Variants in STK32A observed in about 807,000 individuals in gnomAD.
STK32A encodes serine/threonine-protein kinase 32A.
Under a neutral mutation model 53.2 loss-of-function variants are expected in STK32A, and 41 were observed. The ratio of observed to expected loss-of-function variants is 0.77; its 90% CI spans 0.60 to 1.00. The LOEUF (loss-of-function observed/expected upper bound fraction) is 1.00. Ranked by LOEUF, STK32A falls within the 50% of genes least tolerant of loss-of-function variation. The pLI is 0.00. For synonymous variants in STK32A, 166 were observed against 162.8 expected (o/e 1.02, Z -0.15); for missense variants, 458 against 485.8 (o/e 0.94, Z 0.54).
intron 7 of STK32A, among the ~76,000 whole-genome samples, chr5:147,355,258 G>T (rs1195395968): frequency 6.6e-6 from 1 of 152,110 alleles, no homozygotes; most frequent in African/African-American, 2.4e-5. Context: ...ATCAAGCAAG[G>T]AAGTTTTGCT....
rs529000209 is a variant in STK32A at position 147,386,421 on chromosome 5, C to T, written c.*2438C>T. On this transcript the variant is annotated 3_prime_UTR_variant, in exon 13 of 13. Coordinates refer to ENST00000397936, the MANE Select transcript of STK32A (RefSeq NM_001112724.2). Reference sequence around the variant, plus strand: ...CCCTAAGTAACCAGGTTCCTCCTCTCGCTGCAACCTTGTTTGCATCCTTCC... The same window carrying T: ...CCCTAAGTAACCAGGTTCCTCCTCTTGCTGCAACCTTGTTTGCATCCTTCC... The T allele has an allele frequency of 6.6e-6, 1 of 152,302 alleles. No individual in the cohort carries two copies. The highest frequency in any genetic ancestry group is 2.4e-5 in the African/African-American group (1 of 41,564). The allele number at this position is 152,302 out of a possible 1,614,324, so 9.4% of individuals were successfully genotyped here. A position where few individuals can be genotyped will look rare whatever the true frequency, so the allele number is the denominator to read the frequency against.
chr5:147,376,992 T>C (rs1757258317), intron 11 of STK32A, among the ~76,000 whole-genome samples: 2 of 152,190 alleles, frequency 1.3e-5, no homozygotes, highest in African/African-American at 4.8e-5. Flanking sequence ...TGAATATAGA[T>C]GCAAAAATCC....
rs151108944 is a variant in STK32A, at chr5:147,251,863, G to A, written c.52+12177G>A. 3.0e-3 allele frequency among the ~76,000 whole-genome samples: 455 copies of A among 152,148 alleles called. 1 individual carries two copies. Among genetic ancestry groups the A allele is most frequent in the African/African-American group, 0.01 (432 of 41,506 alleles). On this transcript the variant is annotated intron_variant, in intron 2 of 12. Coordinates refer to ENST00000397936, the MANE Select transcript of STK32A (RefSeq NM_001112724.2). The stretch of plus-strand genomic sequence containing the variant: ...TTTGCTTAGCTTCTTCTACCCATTT[G>A]GATTTTAAGGACAACAATTCCAATG...
the STK32A span, among the ~76,000 whole-genome samples, chr5:147,396,953 C>T: frequency 1.2e-4 from 14 of 112,062 alleles, no homozygotes; most frequent in South Asian, 2.9e-4. Context: ...TTTATTTATA[C>T]GCATTTTTGT....
At chr5:147,280,751 G>A (rs1277589565) in intron 4 of STK32A, among the ~76,000 whole-genome samples, 1 of 152,078 alleles carries the variant, frequency 6.6e-6, no homozygotes, top group East Asian at 1.9e-4. Context: ...GAGTTCTAGG[G>A]CCCTGCCCAC....
At chr5:147,306,180 T>C (rs192029146) in intron 4 of STK32A, among the ~76,000 whole-genome samples, 2 of 152,146 alleles carry the variant, frequency 1.3e-5, no homozygotes, top group African/African-American at 4.8e-5. Flanking sequence ...CCTGTGGTTT[T>C]AATTTGCATT....
intron 4 of STK32A, among the ~76,000 whole-genome samples, chr5:147,291,269 C>T (rs1752585606): frequency 6.6e-6 from 1 of 152,008 alleles, no homozygotes; most frequent in South Asian, 2.1e-4. Context: ...GGAACTTAGT[C>T]CTGCATTGCT....
downstream of STK32A, chr5:147,392,077 A>G (rs773577949): frequency 7.9e-5 from 12 of 152,216 alleles, no homozygotes; most frequent in Admixed American, 2.6e-4. Context: ...CCTATCCCAA[A>G]GTAACAGCCT....
At chr5:147,332,708 C>G (rs977087326) in intron 5 of STK32A, among the ~76,000 whole-genome samples, 1 of 152,066 alleles carries the variant, frequency 6.6e-6, no homozygotes, top group South Asian at 2.1e-4. Context: ...GCAGAAGGAC[C>G]ACTTGAGCCT....
At chr5:147,307,653 T>C (rs1283864269) in intron 4 of STK32A, among the ~76,000 whole-genome samples, 1 of 151,788 alleles carries the variant, frequency 6.6e-6, no homozygotes, top group East Asian at 1.9e-4. Flanking sequence ...AAAAAAATCT[T>C]TGCCTATGCC....
At chr5:147,375,795 CTCTG>C (rs1757209461) in intron 11 of STK32A, 2 of 152,212 alleles carry the variant, frequency 1.3e-5, no homozygotes, top group African/African-American at 4.8e-5. Context: ...GTATATTATT[CTCTG>C]TCAGAGTCAG....
chr5:147,339,705 C>T (rs184194983), intron 5 of STK32A, among the ~76,000 whole-genome samples: 153 of 152,334 alleles, frequency 1.0e-3, no homozygotes, highest in African/African-American at 3.2e-3. Flanking sequence ...ATCAGCGTGA[C>T]CTGGATGTGA....
intron 2 of STK32A, among the ~76,000 whole-genome samples, chr5:147,260,939 T>G (rs2151946902): frequency 6.6e-6 from 1 of 152,358 alleles, no homozygotes; most frequent in African/African-American, 2.4e-5. Context: ...AAGGAAGCAC[T>G]TTACCGGCTG....
intron 7 of STK32A, among the ~76,000 whole-genome samples, chr5:147,360,093 A>T (rs1009523119): frequency 2.6e-5 from 4 of 152,244 alleles, no homozygotes; most frequent in Admixed American, 2.0e-4. Context: ...GCACTTTATA[A>T]GTGCTAGGCA....
chr5:147,241,906 T>C (rs868120280), intron 2 of STK32A, among the ~76,000 whole-genome samples: 6 of 152,186 alleles, frequency 3.9e-5, no homozygotes, highest in Middle Eastern at 3.2e-3. Context: ...TTGAAGGTAG[T>C]AGAATAGCAT....
chr5:147,298,637 C>G (rs1227844803), intron 4 of STK32A, among the ~76,000 whole-genome samples: 1 of 152,158 alleles, frequency 6.6e-6, no homozygotes, highest in Non-Finnish European at 1.5e-5. Context: ...GTTTTAAAAA[C>G]TACGCTTGTT....
intron 4 of STK32A, among the ~76,000 whole-genome samples, chr5:147,300,344 C>G (rs1222859008): frequency 6.6e-6 from 1 of 152,180 alleles, no homozygotes; most frequent in Non-Finnish European, 1.5e-5. Context: ...CTCTGCTCTT[C>G]CTGCTGCACT....
In STK32A at chr5:147,274,579, C is replaced by T. The variant is rs72823832; in HGVS notation, c.53-3545C>T. The stretch of plus-strand genomic sequence containing the variant: ...ATTGAAATGATGCTGATTCCATTTA[C>T]CTCCATATTGCCTGATAATACCCAG... On this transcript the variant is annotated intron_variant, in intron 2 of 12. Transcript: ENST00000397936. Among the ~76,000 whole-genome samples, 858 of 152,280 alleles carry T rather than the reference C, an allele frequency of 5.6e-3. 7 individuals carry two copies. Among genetic ancestry groups the T allele is most frequent in the Non-Finnish European group, 8.4e-3 (571 of 68,022 alleles).
intron 4 of STK32A, among the ~76,000 whole-genome samples, chr5:147,279,637 G>A (rs73794398): frequency 6.6e-6 from 1 of 152,184 alleles, no homozygotes; most frequent in Non-Finnish European, 1.5e-5. Flanking sequence ...GTCATGTAAG[G>A]GGGGGTTTGA....
Sources: allele counts gnomAD v4.1 joint callset (sites outside exome capture counted in the v4.1 genomes callset), GRCh38; gene constraint gnomAD v4.1.1; transcripts MANE v1.5; gene names NCBI Gene and HGNC (gene_info 2026-07-23, HGNC 2026-07-21).